The following TMEFF2 variants were observed in gnomAD, a reference collection of about 807,000 sequenced individuals.
TMEFF2 encodes tomoregulin-2.
A neutral mutation model predicts 53.8 loss-of-function variants in TMEFF2; 28 were observed. That is an observed-to-expected ratio of 0.52 (90% confidence interval 0.39 to 0.71). TMEFF2 has a LOEUF of 0.71. TMEFF2 is among the 30% of genes least tolerant of loss of function. The pLI is 0.00. For missense variants in TMEFF2, 353 were observed against 455.2 expected (o/e 0.78, Z 2.04); for synonymous variants, 162 against 166.3 (o/e 0.97, Z 0.20).
Position 191,953,676 on chromosome 2 carries a change from G to A in TMEFF2, c.1028+3C>T. On this transcript the variant is annotated splice_donor_region_variant and intron_variant, in intron 9 of 9. Coordinates refer to ENST00000272771, the MANE Select transcript of TMEFF2 (RefSeq NM_016192.4). The stretch of plus-strand genomic sequence containing the variant: ...TGGGTAGCCACCAAGTGCTGTTACT[G>A]ACCTTGTGATGCAGAGGACCACCAC... 1 of 1,613,234 alleles carries A rather than the reference G, an allele frequency of 6.2e-7. No individual in the cohort carries two copies. The highest frequency in any genetic ancestry group is 8.5e-7 in the Non-Finnish European group (1 of 1,179,604).
At chr2:192,104,683 C>T (rs1689105633) in intron 4 of TMEFF2, among the ~76,000 whole-genome samples, 1 of 151,226 alleles carries the variant, frequency 6.6e-6, no homozygotes, top group Non-Finnish European at 1.5e-5. Context: ...AAGCAAACAG[C>T]ACATTCATTT....
Position 191,998,680 on chromosome 2 carries a change from GAATC to G in TMEFF2, c.686-363_686-360del, listed in dbSNP as rs150203682. ...AAAATGCATTTTAAATATTTGTACT[GAATC>G]AATACATAAAAATGAAGTGATTTGC... On this transcript the variant is annotated intron_variant, in intron 6 of 9. Coordinates refer to ENST00000272771, the MANE Select transcript of TMEFF2 (RefSeq NM_016192.4). Among the ~76,000 whole-genome samples the G allele has an allele frequency of 8.8e-3, 1,334 of 152,034 alleles. 28 individuals carry two copies. Among genetic ancestry groups the G allele is most frequent in the African/African-American group, 0.03 (1,256 of 41,524 alleles).
intron 5 of TMEFF2, among the ~76,000 whole-genome samples, chr2:192,024,466 G>T (rs192172118): frequency 2.0e-5 from 3 of 152,182 alleles, no homozygotes; most frequent in Non-Finnish European, 4.4e-5. Context: ...GCTGTGTCAG[G>T]CATGTGGAGA....
chr2:192,078,018 CTTTT>C (rs1341573691), intron 4 of TMEFF2, among the ~76,000 whole-genome samples: 1 of 152,016 alleles, frequency 6.6e-6, no homozygotes, highest in Non-Finnish European at 1.5e-5. Context: ...GTACTATAGT[CTTTT>C]TTTAAAAAGC....
intron 5 of TMEFF2, chr2:192,028,533 T>G (rs1297658672): frequency 6.6e-6 from 1 of 152,024 alleles, no homozygotes; most frequent in Non-Finnish European, 1.5e-5. Context: ...GGAAGTTGAC[T>G]TCCCTGGATT....
intron 4 of TMEFF2, among the ~76,000 whole-genome samples, chr2:192,096,126 A>G (rs1437399292): frequency 6.6e-6 from 1 of 152,214 alleles, no homozygotes; most frequent in Non-Finnish European, 1.5e-5. Context: ...TATGAAAAAC[A>G]AAGCGGTTGA....
At chr2:192,035,223 GC>G (rs901581908) in intron 5 of TMEFF2, 68 of 152,226 alleles carry the variant, frequency 4.5e-4, no homozygotes, top group African/African-American at 1.6e-3. Context: ...GGATGACAAA[GC>G]AGTCACCTAC....
intron 9 of TMEFF2, among the ~76,000 whole-genome samples, chr2:191,950,767 G>A (rs1270052089): frequency 6.6e-6 from 1 of 152,064 alleles, no homozygotes; most frequent in East Asian, 1.9e-4. Flanking sequence ...TATTTCAAAT[G>A]TCCTAAGAAT....
chr2:192,098,584 C>A (rs1688966578), intron 4 of TMEFF2, among the ~76,000 whole-genome samples: 1 of 152,140 alleles, frequency 6.6e-6, no homozygotes, highest in South Asian at 2.1e-4. Flanking sequence ...TATAGCAGGG[C>A]AGCTGAGCTG....
At chr2:192,121,090 G>A (rs1559135254) in intron 4 of TMEFF2, among the ~76,000 whole-genome samples, 1 of 149,702 alleles carries the variant, frequency 6.7e-6, no homozygotes, top group Admixed American at 6.7e-5. Flanking sequence ...AAGTATCAGA[G>A]AAGAGGAAAA....
In TMEFF2 at chr2:191,949,756, A is replaced by G. The variant is rs960046309; in HGVS notation, c.*555T>C. 23 of 985,218 alleles carry G rather than the reference A, an allele frequency of 2.3e-5. No homozygotes were observed. In the African/African-American group the frequency reaches 3.7e-4, roughly 16 times the overall value. The allele number at this position is 985,218 out of a possible 1,614,324, so 61.0% of individuals were successfully genotyped here. On this transcript the variant is annotated 3_prime_UTR_variant, in exon 10 of 10. Transcript: ENST00000272771. ...TAGGGATGAAAATGGAAGACCAGGG[A>G]AGAAAGTTGATGAAATAGAGATGAT...
At chr2:192,040,811 A>C (rs981262774) in intron 5 of TMEFF2, among the ~76,000 whole-genome samples, 23 of 152,194 alleles carry the variant, frequency 1.5e-4, no homozygotes, top group African/African-American at 5.6e-4. Context: ...AGACTAGAGA[A>C]ATAAATCTTT....
intron 4 of TMEFF2, among the ~76,000 whole-genome samples, chr2:192,171,677 G>T (rs1025277018): frequency 2.6e-5 from 4 of 151,798 alleles, no homozygotes; most frequent in African/African-American, 9.7e-5. Context: ...AGTTCCCTTT[G>T]CCTGCAATGT....
intron 5 of TMEFF2, among the ~76,000 whole-genome samples, chr2:192,004,656 AAAAG>A (rs1193998107): frequency 1.3e-5 from 2 of 152,182 alleles, no homozygotes; most frequent in African/African-American, 2.4e-5. Flanking sequence ...TTAAAAAAGA[AAAAG>A]AAAAAAGGTA....
chr2:192,075,954 AAAG>A (rs909655909), intron 4 of TMEFF2, among the ~76,000 whole-genome samples: 29 of 151,896 alleles, frequency 1.9e-4, no homozygotes, highest in Admixed American at 1.8e-3. Flanking sequence ...GGAAGAAAGG[AAAG>A]AAGGAAGCAA....
intron 7 of TMEFF2, among the ~76,000 whole-genome samples, chr2:191,960,943 C>A (rs1291500662): frequency 6.6e-6 from 1 of 152,104 alleles, no homozygotes; most frequent in Non-Finnish European, 1.5e-5. Flanking sequence ...GCTCTAAGTT[C>A]ATTGAATTCT....
At chr2:192,178,214 C>A (rs1691097311) in intron 4 of TMEFF2, 1 of 150,764 alleles carries the variant, frequency 6.6e-6, no homozygotes, top group Admixed American at 6.6e-5. Flanking sequence ...AAACTGTTTC[C>A]TTACAAAAGC....
At chr2:192,123,982 C>T (rs945810939) in intron 4 of TMEFF2, among the ~76,000 whole-genome samples, 1 of 152,218 alleles carries the variant, frequency 6.6e-6, no homozygotes, top group Non-Finnish European at 1.5e-5. Context: ...TCCATCATCT[C>T]CATTAGTTTG....
Position 192,194,888 on chromosome 2 carries a change from CG to C in TMEFF2, c.-365del, listed in dbSNP as rs1266760646. On this transcript the variant is annotated 5_prime_UTR_variant, in exon 1 of 10. The change abolishes the stop of an existing upstream ORF in the 5' untranslated region. Transcript: ENST00000272771. This position sits in a 1 kb window ranked among gnomAD's most constrained non-coding sequence, Gnocchi z 4.2. Reference sequence around the variant, plus strand: ...GGGTGGAGGGAGAGTCAAGGCGCCCCGCAGCCCGGCAGCCGCCTCTCGAGCT... The same window carrying C: ...GGGTGGAGGGAGAGTCAAGGCGCCCCCAGCCCGGCAGCCGCCTCTCGAGCT... The C allele has an allele frequency of 4.4e-6, 1 of 227,664 alleles. No individual in the cohort carries two copies. Among genetic ancestry groups the C allele is most frequent in the Non-Finnish European group, 8.7e-6 (1 of 115,294 alleles). The allele number at this position is 227,664 out of a possible 1,614,324, so 14.1% of individuals were successfully genotyped here.
Sources: gnomAD v4.1 joint callset for allele counts (sites outside exome capture counted in the v4.1 genomes callset) on GRCh38, gnomAD v4.1.1 for gene constraint, Gnocchi (gnomAD v3.1) non-coding constraint, MANE v1.5 for transcripts, NCBI Gene and HGNC (gene_info 2026-07-23, HGNC 2026-07-21) for gene names.